Variants in TTL observed in about 807,000 individuals in gnomAD.
TTL encodes the protein tubulin tyrosine ligase.
TTL carries 10 observed loss-of-function variants against 41.1 expected under a neutral mutation model. That is an observed-to-expected ratio of 0.24 (90% CI 0.15 to 0.41). The LOEUF (loss-of-function observed/expected upper bound fraction) is 0.41. Among genes scored for constraint, TTL ranks in the 10% least tolerant of loss-of-function variants. The probability of loss-of-function intolerance (pLI) is 1.00; values close to 1 mark genes in which losing one functional copy is unlikely to be tolerated. For missense variants in TTL, 367 were observed against 460.4 expected, an observed-to-expected ratio of 0.80 and a Z score of 1.86; for synonymous variants, 175 against 175.5, an observed-to-expected ratio of 1.00 and a Z score of 0.02.
rs1423743161 is a variant in TTL at position 112,530,728 on chromosome 2, C to G, written c.*1933C>G. On this transcript the variant is annotated 3_prime_UTR_variant, in exon 7 of 7. Coordinates refer to ENST00000233336, the MANE Select transcript of TTL (RefSeq NM_153712.5). ...ACGAGTTTTCTAGCCCTCACAGTAACAGAGCTAAGAATTCAGATGTCAGGA... is the reference window on the plus strand; with the variant it reads ...ACGAGTTTTCTAGCCCTCACAGTAAGAGAGCTAAGAATTCAGATGTCAGGA... 5.8e-5 allele frequency: 12 copies of G among 205,750 alleles called. No homozygotes were observed. In the East Asian group the frequency reaches 8.9e-4, roughly 15 times the overall value. 12.7% of individuals were successfully genotyped at this position (205,750 alleles called of 1,614,324 possible). A position where few individuals can be genotyped will look rare whatever the true frequency, so the allele number is the denominator to read the frequency against.
intron 6 of TTL, among the ~76,000 whole-genome samples, chr2:112,526,102 A>G (rs1161497623): frequency 2.6e-5 from 4 of 152,182 alleles, no homozygotes; most frequent in Non-Finnish European, 5.9e-5. Context: ...TGATTTGCAT[A>G]TGTTGAACCA....
intron 4 of TTL, 119 bp from the exon 5 acceptor site, chr2:112,502,783 TCCTCCTTCCC>T (rs778376275): frequency 4.6e-4 from 426 of 920,680 alleles, no homozygotes; most frequent in Non-Finnish European, 5.8e-4. Flanking sequence ...TTTAGAAACT[TCCTCCTTCCC>T]TAGTTGCCTC....
chr2:112,531,085 T>A lies in TTL; in HGVS notation c.*2290T>A, dbSNP rs1682497450. 4.8e-6 allele frequency: 1 copy of A among 208,002 alleles called. No individual in the cohort carries two copies. Among genetic ancestry groups the A allele is most frequent in the Admixed American group, 5.9e-5 (1 of 16,900 alleles). 12.9% of individuals were successfully genotyped at this position (208,002 alleles called of 1,614,324 possible). A position where few individuals can be genotyped will look rare whatever the true frequency, so the allele number is the denominator to read the frequency against. On this transcript the variant is annotated 3_prime_UTR_variant, in exon 7 of 7. Coordinates refer to ENST00000233336, the MANE Select transcript of TTL (RefSeq NM_153712.5). ...GCCTCGAATTTCTGGGCTTGAGCAGTCCTCCCGTCTCAGCCTCCTGAGTAG... is the reference window on the plus strand; with the variant it reads ...GCCTCGAATTTCTGGGCTTGAGCAGACCTCCCGTCTCAGCCTCCTGAGTAG...
rs1426891959 is a variant in TTL, at chr2:112,533,175, G to C, written c.*4380G>C. ...ATAAATATACCTCTGGCACAGAGGA[G>C]GTTTCCATGCCAGAAGCCCTGTGTA... On this transcript the variant is annotated 3_prime_UTR_variant, in exon 7 of 7. Transcript: ENST00000233336. 1 of 152,286 alleles carries C rather than the reference G, an allele frequency of 6.6e-6. No homozygotes were observed. Among genetic ancestry groups the C allele is most frequent in the East Asian group, 1.9e-4 (1 of 5,200 alleles). The allele number at this position is 152,286 out of a possible 1,614,324, so 9.4% of individuals were successfully genotyped here.
intron 5 of TTL, 99 bp from the exon 6 acceptor site, chr2:112,520,183 T>G: frequency 1.5e-6 from 2 of 1,330,070 alleles, no homozygotes. Flanking sequence ...TAAGCTGATA[T>G]TTGTATTCAT....
intron 5 of TTL, among the ~76,000 whole-genome samples, chr2:112,518,158 G>C (rs62157528): frequency 7.1e-6 from 1 of 140,724 alleles, no homozygotes; most frequent in African/African-American, 2.6e-5. Flanking sequence ...TTTTTTTTAA[G>C]TAGAGAGCCA....
chr2:112,515,807 C>T (rs1322118271), intron 5 of TTL, among the ~76,000 whole-genome samples: 3 of 152,012 alleles, frequency 2.0e-5, no homozygotes, highest in African/African-American at 7.3e-5. Flanking sequence ...ATTAGCCAGG[C>T]GTGGTGGTGG....
In TTL at chr2:112,528,838, G is replaced by A. The variant is rs1682433719; in HGVS notation, c.*43G>A. On this transcript the variant is annotated 3_prime_UTR_variant, in exon 7 of 7. Coordinates refer to ENST00000233336, the MANE Select transcript of TTL (RefSeq NM_153712.5). The stretch of plus-strand genomic sequence containing the variant: ...TGCCTTGGAAAAAGCACGGGGTCCT[G>A]CTCCAGGGAATGGTGAAATGACTGG... The A allele has an allele frequency of 6.9e-7, 1 of 1,451,712 alleles. No homozygotes were observed. The highest frequency in any genetic ancestry group is 9.7e-7 in the Non-Finnish European group (1 of 1,032,196). The allele number at this position is 1,451,712 out of a possible 1,614,324, so 89.9% of individuals were successfully genotyped here.
chr2:112,497,161 G>A (rs555792571), intron 3 of TTL, among the ~76,000 whole-genome samples: 27 of 151,756 alleles, frequency 1.8e-4, no homozygotes, highest in East Asian at 1.4e-3. Context: ...GACGACAGCC[G>A]TGCACCACCA....
intron 3 of TTL, among the ~76,000 whole-genome samples, chr2:112,495,793 G>A (rs1219852581): frequency 6.6e-6 from 1 of 152,130 alleles, no homozygotes; most frequent in Non-Finnish European, 1.5e-5. Flanking sequence ...CTTGCAGTAA[G>A]CTGAGATCGC....
In TTL at chr2:112,494,355, A is replaced by G. The variant is rs1397352701; in HGVS notation, c.449A>G (p.Lys150Arg). Residue 150 changes from lysine (K) to arginine (R), a missense_variant, in exon 3 of 7, where the codon AAG becomes AGG. Transcript: ENST00000233336. Reference sequence around the variant, plus strand: ...GGAGAGGGCAACGTTTGGATTGCAAAGTCATCAGCCGGTGCCAAAGGTGAG... The same window carrying G: ...GGAGAGGGCAACGTTTGGATTGCAAGGTCATCAGCCGGTGCCAAAGGTGAG... ...EDGEGNVWIA[K>R]SSAGAKGEGI... 2 of 1,614,000 alleles carry G rather than the reference A, an allele frequency of 1.2e-6. No individual in the cohort carries two copies. Among genetic ancestry groups the G allele is most frequent in the Admixed American group, 1.7e-5 (1 of 60,010 alleles).
intron 6 of TTL, among the ~76,000 whole-genome samples, chr2:112,525,819 C>T (rs1257446357): frequency 3.9e-5 from 6 of 152,162 alleles, no homozygotes; most frequent in Admixed American, 1.3e-4. Flanking sequence ...ACTTCCAACA[C>T]TATGTTGAAT....
rs1425230198 is a variant in TTL, at chr2:112,482,854, G to A, written c.157+353G>A. ...AGCCCCCAGATTTGGCGGGTCCGCC[G>A]CGCTGGGCGCGGCTCCGCAGAGCGG... On this transcript the variant is annotated intron_variant, in intron 1 of 6. Coordinates refer to ENST00000233336, the MANE Select transcript of TTL (RefSeq NM_153712.5). The surrounding 1 kb of genome is among the most constrained non-coding windows in gnomAD (Gnocchi z 5.3). Among the ~76,000 whole-genome samples, 1 of 152,166 alleles carries A rather than the reference G, an allele frequency of 6.6e-6. No individual in the cohort carries two copies.
intron 4 of TTL, among the ~76,000 whole-genome samples, chr2:112,501,697 G>T (rs1035170459): frequency 4.0e-5 from 6 of 151,872 alleles, no homozygotes; most frequent in Admixed American, 2.0e-4. Context: ...GTGAAACCCC[G>T]TCTCTAGTAA....
rs1437977906 is a variant in TTL at position 112,536,798 on chromosome 2, TTA to T, written c.*8005_*8006del. 6 of 152,268 alleles carry T rather than the reference TTA, an allele frequency of 3.9e-5. No homozygotes were observed. The highest frequency in any genetic ancestry group is 7.3e-5 in the Non-Finnish European group (5 of 68,056). The allele number at this position is 152,268 out of a possible 1,614,324, so 9.4% of individuals were successfully genotyped here. A position where few individuals can be genotyped will look rare whatever the true frequency, so the allele number is the denominator to read the frequency against. ...CAATATTTGGTTTTCTGTTCCTGTGTTATTTCACTTAGGATAATGGCCTCCAG... is the reference window on the plus strand; with the variant it reads ...CAATATTTGGTTTTCTGTTCCTGTGTTTTCACTTAGGATAATGGCCTCCAG... On this transcript the variant is annotated 3_prime_UTR_variant, in exon 7 of 7. Transcript: ENST00000233336.
chr2:112,529,811 T>C lies in TTL; in HGVS notation c.*1016T>C, dbSNP rs1332442073. ...TCCTTCCAGGAAGGATTCGAGTTCC[T>C]GTGCCTGTGGGTATTAGGAGAGTAT... On this transcript the variant is annotated 3_prime_UTR_variant, in exon 7 of 7. Coordinates refer to ENST00000233336, the MANE Select transcript of TTL (RefSeq NM_153712.5). 1 of 221,356 alleles carries C rather than the reference T, an allele frequency of 4.5e-6. No homozygotes were observed. The highest frequency in any genetic ancestry group is 9.0e-6 in the Non-Finnish European group (1 of 110,592). The allele number at this position is 221,356 out of a possible 1,614,324, so 13.7% of individuals were successfully genotyped here.
chr2:112,499,715 C>A (rs1681639833), intron 3 of TTL, among the ~76,000 whole-genome samples: 1 of 152,150 alleles, frequency 6.6e-6, no homozygotes, highest in African/African-American at 2.4e-5. Flanking sequence ...ATTTTTAAGT[C>A]ATACATATGA....
intron 2 of TTL, among the ~76,000 whole-genome samples, chr2:112,487,983 T>C (rs1284094517): frequency 1.3e-5 from 2 of 152,226 alleles, no homozygotes; most frequent in African/African-American, 4.8e-5. Context: ...TAGTAGCTCC[T>C]GTTAAACCAG....
chr2:112,524,669 T>A (rs1362108528), intron 6 of TTL, among the ~76,000 whole-genome samples: 3 of 152,224 alleles, frequency 2.0e-5, no homozygotes, highest in Non-Finnish European at 4.4e-5. Flanking sequence ...TTTGTTTAAG[T>A]TCTTTGTAGA....
Sources: gnomAD v4.1 joint callset for allele counts (sites outside exome capture counted in the v4.1 genomes callset) on GRCh38, gnomAD v4.1.1 for gene constraint, Gnocchi (gnomAD v3.1) non-coding constraint, MANE v1.5 for transcripts, NCBI Gene and HGNC (gene_info 2026-07-23, HGNC 2026-07-21) for gene names.